The following BBOF1 variants were observed in gnomAD, a reference collection of about 807,000 sequenced individuals.
BBOF1 encodes the protein basal body-orientation factor 1.
In BBOF1, 62 loss-of-function variants were observed where a neutral mutation model predicts 68.0. The ratio of observed to expected loss-of-function variants is 0.91; its 90% confidence interval spans 0.74 to 1.13. The LOEUF is 1.13. BBOF1 is among the 50% of genes most tolerant of loss of function. The probability of loss-of-function intolerance (pLI) is 0.00; values close to 1 mark genes in which losing one functional copy is unlikely to be tolerated. For synonymous variants in BBOF1, 208 were observed against 198.8 expected, an observed-to-expected ratio of 1.05 and a Z score of -0.39; for missense variants, 534 against 600.1, an observed-to-expected ratio of 0.89 and a Z score of 1.15.
intron 12 of BBOF1, among the ~76,000 whole-genome samples, chr14:74,082,560 C>T (rs947159605): frequency 1.1e-4 from 16 of 151,986 alleles, no homozygotes; most frequent in Admixed American, 2.0e-4. Flanking sequence ...CCACCACACC[C>T]GGCTAATTTT....
intron 11 of BBOF1, among the ~76,000 whole-genome samples, chr14:74,061,153 T>A (rs1049338441): frequency 5.9e-5 from 9 of 151,734 alleles, no homozygotes; most frequent in Non-Finnish European, 1.0e-4. Flanking sequence ...AATTTTTGTA[T>A]TTTTAGTGGA....
At chr14:74,071,880 G>A (rs2060554569) in intron 9 of BBOF1, 1 of 1,613,608 alleles carries the variant, frequency 6.2e-7, no homozygotes, top group South Asian at 1.1e-5. Flanking sequence ...AGTCCCATAA[G>A]GGGCTCCCAG....
intron 3 of BBOF1, 141 bp downstream of exon 3, chr14:74,029,390 T>A: frequency 1.8e-6 from 1 of 548,730 alleles, no homozygotes; most frequent in Non-Finnish European, 3.3e-6. Flanking sequence ...GTATAGAAAT[T>A]CAAAAAACCA....
chr14:74,019,424 G>A lies in BBOF1; in HGVS notation c.-55G>A, dbSNP rs374729136. The A allele has an allele frequency of 1.2e-4, 186 of 1,568,664 alleles. No homozygotes were observed. Among genetic ancestry groups the A allele is most frequent in the Non-Finnish European group, 1.5e-5 (17 of 1,157,552 alleles). ...CCCGGTTCCCTTGGAGACAGAGCTG[G>A]CCAGGGCGGCCGCGGCTGGGCAACT... is the stretch of plus-strand genomic sequence containing the variant. On this transcript the variant is annotated 5_prime_UTR_variant, in exon 1 of 12. Coordinates refer to ENST00000394009, the MANE Select transcript of BBOF1 (RefSeq NM_025057.3).
intron 8 of BBOF1, among the ~76,000 whole-genome samples, chr14:74,054,359 A>C (rs931990947): frequency 2.7e-5 from 4 of 149,584 alleles, no homozygotes; most frequent in African/African-American, 9.8e-5. Context: ...CTAAATAAAT[A>C]ATGTTACATT....
In BBOF1 at chr14:74,057,010, A is replaced by G. The variant is rs754191171; in HGVS notation, c.1463+30A>G. 21 of 1,598,410 alleles carry G rather than the reference A, an allele frequency of 1.3e-5. No individual in the cohort carries two copies. The South Asian group carries it at 2.0e-4, about 15-fold the overall frequency. On this transcript the variant is annotated intron_variant, in intron 10 of 11. Coordinates refer to ENST00000394009, the MANE Select transcript of BBOF1 (RefSeq NM_025057.3). ...GAGCTCTCTTGCTTAAGTAATAAAC[A>G]TGAGCCCAACACGATGGTTCTTGTG...
chr14:74,034,185 CTTTTTTACAAAAAGGAAA>C lies in BBOF1; in HGVS notation c.495+17_495+34del. On this transcript the variant is annotated intron_variant, in intron 4 of 11. Coordinates refer to ENST00000394009, the MANE Select transcript of BBOF1 (RefSeq NM_025057.3). ...GAGTTAGATGATGTAAGTTTCATTC[CTTTTTTACAAAAAGGAAA>C]TTAGAATTAACTATTTAATGCCTAC... The C allele has an allele frequency of 6.7e-7, 1 of 1,498,446 alleles. No individual in the cohort carries two copies. The highest frequency in any genetic ancestry group is 8.9e-7 in the Non-Finnish European group (1 of 1,121,936). 92.8% of individuals were successfully genotyped at this position (1,498,446 alleles called of 1,614,324 possible). A position where few individuals can be genotyped will look rare whatever the true frequency, so the allele number is the denominator to read the frequency against.
downstream of BBOF1, among the ~76,000 whole-genome samples, chr14:74,066,344 A>G (rs192209047): frequency 6.6e-6 from 1 of 152,346 alleles, no homozygotes; most frequent in Admixed American, 6.5e-5. Flanking sequence ...ATATAAAATG[A>G]TATGAAATTC....
At chr14:74,029,077 T>C in intron 2 of BBOF1, 107 bp from the exon 3 acceptor site, 4 of 664,654 alleles carry the variant, frequency 6.0e-6, no homozygotes, top group Non-Finnish European at 1.0e-5. Context: ...CTCACTCACC[T>C]CTTTTGCCAT....
chr14:74,061,294 C>T (rs2060335194), intron 11 of BBOF1, among the ~76,000 whole-genome samples: 1 of 149,298 alleles, frequency 6.7e-6, no homozygotes, highest in African/African-American at 2.5e-5. Context: ...TATAGTAGGC[C>T]ATTTATTTAT....
intron 9 of BBOF1, chr14:74,075,102 C>CA: frequency 5.7e-6 from 7 of 1,231,664 alleles, no homozygotes; most frequent in Non-Finnish European, 8.2e-6. Flanking sequence ...ATGCTATTTG[C>CA]TATAGTATAT....
intron 4 of BBOF1, among the ~76,000 whole-genome samples, chr14:74,038,006 TTCTA>T (rs1248431308): frequency 8.3e-6 from 1 of 120,170 alleles, no homozygotes; most frequent in Non-Finnish European, 1.7e-5. Context: ...CCATAGCATT[TTCTA>T]TCTTTTTTAT....
At chr14:74,041,428 C>T (rs1408870728) in intron 5 of BBOF1, among the ~76,000 whole-genome samples, 1 of 152,180 alleles carries the variant, frequency 6.6e-6, no homozygotes, top group African/African-American at 2.4e-5. Context: ...TTTCAGAGGC[C>T]TCATGGTTGT....
At chr14:74,074,809 A>G (rs1471399076) in intron 9 of BBOF1, 1 of 819,670 alleles carries the variant, frequency 1.2e-6, no homozygotes, top group African/African-American at 1.7e-5. Context: ...ATGGTAATCC[A>G]TTTCAGGAGG....
intron 9 of BBOF1, among the ~76,000 whole-genome samples, chr14:74,075,879 C>T (rs2060607601): frequency 6.6e-6 from 1 of 152,122 alleles, no homozygotes; most frequent in African/African-American, 2.4e-5. Flanking sequence ...TATATTCATA[C>T]ACTGGAATAC....
chr14:74,079,070 C>G (rs2060643877), intron 10 of BBOF1, among the ~76,000 whole-genome samples: 1 of 151,790 alleles, frequency 6.6e-6, no homozygotes, highest in Non-Finnish European at 1.5e-5. Context: ...GCTTAACTAT[C>G]TAGATCCTGA....
chr14:74,054,974 G>C (rs986627419), intron 8 of BBOF1: 1 of 153,016 alleles, frequency 6.5e-6, no homozygotes, highest in Non-Finnish European at 1.5e-5. Flanking sequence ...CCTCCTTAGA[G>C]TTTTCTACTT....
At chr14:74,068,542 C>T (rs939598013), downstream of BBOF1, among the ~76,000 whole-genome samples, 13 of 152,072 alleles carry the variant, frequency 8.5e-5, no homozygotes, top group African/African-American at 3.1e-4. Context: ...AGATCGAAAC[C>T]ATCCTGGCCA....
chr14:74,075,859 A>G (rs550282987), intron 9 of BBOF1, among the ~76,000 whole-genome samples: 4 of 152,360 alleles, frequency 2.6e-5, no homozygotes, highest in African/African-American at 9.6e-5. Context: ...GAATAAGGAA[A>G]CTAATGTGGT....
Sources: gnomAD v4.1 joint callset for allele counts (sites outside exome capture counted in the v4.1 genomes callset) on GRCh38, gnomAD v4.1.1 for gene constraint, MANE v1.5 for transcripts, NCBI Gene and HGNC (gene_info 2026-07-23, HGNC 2026-07-21) for gene names.